EYS: variants seen among roughly 807,000 people sequenced by gnomAD.
EYS encodes EGF-like photoreceptor maintenance factor, also known as protein eyes shut homolog.
Under a neutral mutation model 282.1 loss-of-function variants are expected in EYS, and 250 were observed. The ratio of observed to expected loss-of-function variants is 0.89; its 90% CI spans 0.80 to 0.98. The LOEUF (loss-of-function observed/expected upper bound fraction) is 0.98. Among genes scored for constraint, EYS ranks in the 50% least tolerant of loss-of-function variants. The pLI is 0.00. For missense variants in EYS, 4,016 were observed against 3,709.0 expected, an observed-to-expected ratio of 1.08 and a Z score of -2.15; for synonymous variants, 1,355 against 1,282.9, an observed-to-expected ratio of 1.06 and a Z score of -1.20.
chr6:63,883,799 G>A (rs1166381691), intron 35 of EYS, among the ~76,000 whole-genome samples: 4 of 152,160 alleles, frequency 2.6e-5, no homozygotes, highest in Non-Finnish European at 5.9e-5. Context: ...CTTTGTGCTT[G>A]GCCTAGAACC....
chr6:65,531,192 GATAGGAAATTTT>G (rs1321420256), intron 2 of EYS, among the ~76,000 whole-genome samples: 5 of 152,070 alleles, frequency 3.3e-5, no homozygotes, highest in Non-Finnish European at 5.9e-5. Flanking sequence ...CAGAGTTCAG[GATAGGAAATTTT>G]ATAGAAATTA....
rs1767109699 is a variant in EYS at position 64,886,941 on chromosome 6, T to C, written c.2847-99A>G. ...TATTTTAAATTCAAGACATTCAACT[T>C]AATTGAAATAAATAATATATGTATT... On this transcript the variant is annotated intron_variant, in intron 18 of 42. Transcript: ENST00000503581. 1.2e-5 allele frequency: 9 copies of C among 765,566 alleles called. No homozygotes were observed. The South Asian group carries it at 2.2e-4, about 18-fold the overall frequency. 47.4% of individuals were successfully genotyped at this position (765,566 alleles called of 1,614,324 possible).
chr6:64,880,085 T>C (rs1245052405), intron 19 of EYS, among the ~76,000 whole-genome samples: 1 of 152,006 alleles, frequency 6.6e-6, no homozygotes, highest in East Asian at 1.9e-4. Context: ...ATAGAATTAG[T>C]TACCTGATTC....
At chr6:65,564,271 T>C (rs1180258902) in intron 2 of EYS, among the ~76,000 whole-genome samples, 1 of 152,064 alleles carries the variant, frequency 6.6e-6, no homozygotes, top group African/African-American at 2.4e-5. Context: ...AGAAAAAAAC[T>C]ACATTAAATT....
At chr6:64,035,460 A>G (rs980850168) in intron 33 of EYS, among the ~76,000 whole-genome samples, 3 of 152,238 alleles carry the variant, frequency 2.0e-5, no homozygotes, top group Non-Finnish European at 4.4e-5. Flanking sequence ...CATCTCAAAC[A>G]TGTCCAGACC....
intron 22 of EYS, among the ~76,000 whole-genome samples, chr6:64,785,038 A>C (rs1773974925): frequency 6.6e-6 from 1 of 152,124 alleles, no homozygotes; most frequent in Non-Finnish European, 1.5e-5. Context: ...AGCTGAGAGG[A>C]ACTCCTGAAC....
Position 65,080,227 on chromosome 6 carries a change from T to G in EYS, c.2024-22500A>C, listed in dbSNP as rs1370139844. Among the ~76,000 whole-genome samples the G allele has an allele frequency of 3.9e-5, 6 of 152,066 alleles. No individual in the cohort carries two copies. The East Asian group carries it at 1.2e-3, about 29-fold the overall frequency. On this transcript the variant is annotated intron_variant, in intron 12 of 42. Transcript: ENST00000503581. ...ACAGAACACGCCCAGAGTTACAAGTTGTCCTCAGAGTAGTATTATTGCCAT... is the reference window on the plus strand; with the variant it reads ...ACAGAACACGCCCAGAGTTACAAGTGGTCCTCAGAGTAGTATTATTGCCAT...
At chr6:64,098,023 C>A (rs1210424486) in intron 31 of EYS, among the ~76,000 whole-genome samples, 1 of 152,086 alleles carries the variant, frequency 6.6e-6, no homozygotes, top group Non-Finnish European at 1.5e-5. Context: ...CTCATAATTG[C>A]AAGAGTTGGT....
chr6:65,088,063 C>T (rs553744972), intron 12 of EYS, among the ~76,000 whole-genome samples: 2 of 152,136 alleles, frequency 1.3e-5, no homozygotes, highest in African/African-American at 2.4e-5. Flanking sequence ...CTCCTTTGTC[C>T]TCTGCTATTT....
At chr6:64,025,510 G>C (rs760292818) in intron 33 of EYS, among the ~76,000 whole-genome samples, 1 of 152,118 alleles carries the variant, frequency 6.6e-6, no homozygotes. Context: ...TCTAAAAATT[G>C]CTACCTGTCT....
At chr6:64,051,980 TC>T (rs1393314524) in intron 33 of EYS, among the ~76,000 whole-genome samples, 4 of 152,136 alleles carry the variant, frequency 2.6e-5, no homozygotes, top group African/African-American at 9.7e-5. Context: ...TGTCCTTGAG[TC>T]ATGTGGCTCC....
chr6:65,625,761 T>G (rs916965913), intron 2 of EYS, among the ~76,000 whole-genome samples: 19 of 152,212 alleles, frequency 1.2e-4, no homozygotes, highest in African/African-American at 4.3e-4. Context: ...ATATTTGAAA[T>G]TACAGTGACA....
intron 15 of EYS, among the ~76,000 whole-genome samples, chr6:64,940,119 G>A (rs1007380019): frequency 6.6e-6 from 1 of 151,968 alleles, no homozygotes; most frequent in Admixed American, 6.6e-5. Context: ...CTTATCCAGA[G>A]CAAAGACCCA....
chr6:64,188,180 A>G (rs1468054747), intron 31 of EYS, among the ~76,000 whole-genome samples: 1 of 152,120 alleles, frequency 6.6e-6, no homozygotes, highest in African/African-American at 2.4e-5. Context: ...AGTTCCACAG[A>G]TGAAATTAAT....
intron 26 of EYS, among the ~76,000 whole-genome samples, chr6:64,560,301 T>C (rs776066506): frequency 5.3e-5 from 8 of 151,914 alleles, no homozygotes; most frequent in Non-Finnish European, 1.0e-4. Flanking sequence ...CTTTATAATT[T>C]TTACTTGTGC....
At chr6:64,691,339 C>G (rs757884207) in intron 22 of EYS, among the ~76,000 whole-genome samples, 11 of 152,048 alleles carry the variant, frequency 7.2e-5, no homozygotes, top group Non-Finnish European at 1.6e-4. Context: ...AGAAATGCGT[C>G]TATACACAGA....
chr6:64,595,320 C>A (rs1031358906), intron 24 of EYS, among the ~76,000 whole-genome samples: 1 of 152,156 alleles, frequency 6.6e-6, no homozygotes, highest in African/African-American at 2.4e-5. Context: ...GACAAACCCA[C>A]ACCTGAAATC....
intron 24 of EYS, among the ~76,000 whole-genome samples, chr6:64,601,299 A>G (rs1358743618): frequency 1.3e-5 from 2 of 152,030 alleles, no homozygotes; most frequent in African/African-American, 2.4e-5. Flanking sequence ...TATATAACCA[A>G]CTGCTTATTT....
intron 19 of EYS, among the ~76,000 whole-genome samples, chr6:64,862,002 T>C (rs79594104): frequency 0.022 from 3,330 of 152,312 alleles, 283 homozygotes; most frequent in Admixed American, 0.17. Flanking sequence ...GGTGACAAAT[T>C]ATCTGCTTTA....
Sources: gnomAD v4.1 joint callset for allele counts (sites outside exome capture counted in the v4.1 genomes callset) on GRCh38, gnomAD v4.1.1 for gene constraint, MANE v1.5 for transcripts, NCBI Gene and HGNC (gene_info 2026-07-23, HGNC 2026-07-21) for gene names.